The following HDGFL2 variants were observed in gnomAD, a reference collection of about 807,000 sequenced individuals.
HDGFL2 encodes the protein hepatoma-derived growth factor-related protein 2.
A neutral mutation model predicts 77.1 loss-of-function variants in HDGFL2; 36 were observed. The ratio of observed to expected loss-of-function variants is 0.47; its 90% CI spans 0.36 to 0.62. The LOEUF is 0.62. Among genes scored for constraint, HDGFL2 ranks in the 20% least tolerant of loss-of-function variants. The pLI is 0.00. For missense variants in HDGFL2, 976 were observed against 973.4 expected (o/e 1.00, Z -0.04); for synonymous variants, 463 against 413.1 (o/e 1.12, Z -1.46).
intron 15 of HDGFL2, 66 bp downstream of exon 15, chr19:4,501,383 C>T (rs888046801): frequency 1.0e-4 from 155 of 1,508,004 alleles, no homozygotes; most frequent in East Asian, 1.7e-4. Flanking sequence ...ACCCTGGGTC[C>T]GAGCCGCTCC....
At position 4,497,248 on chromosome 19, in the gene HDGFL2, A is replaced by T. The variant is rs555322808; in HGVS notation, c.1329-710A>T. 104 of 424,254 alleles carry T rather than the reference A, an allele frequency of 2.5e-4. 1 individual carries two copies. Among genetic ancestry groups the T allele is most frequent in the African/African-American group, 1.9e-3 (92 of 47,962 alleles). 26.3% of individuals were successfully genotyped at this position (424,254 alleles called of 1,614,324 possible). A position where few individuals can be genotyped will look rare whatever the true frequency, so the allele number is the denominator to read the frequency against. ...GGGCTTGCTCTGTGGCCCAGGCTGG[A>T]GTGCAGTGGCGCCATCTCAGCTCAC... is the stretch of plus-strand genomic sequence containing the variant. On this transcript the variant is annotated intron_variant, in intron 10 of 15. Transcript: ENST00000616600.
rs1439092560 is a variant in HDGFL2, at chr19:4,491,561, T to G, written c.490-5T>G. On this transcript the variant is annotated splice_polypyrimidine_tract_variant and splice_region_variant and intron_variant, in intron 4 of 15. Transcript: ENST00000616600. ...CACTGAGCATTCAGGCCGTTCCCCT[T>G]CCAGATGTCGGTCTCGAAACGAGCC... The G allele has an allele frequency of 1.2e-6, 2 of 1,613,120 alleles. No homozygotes were observed. The highest frequency in any genetic ancestry group is 1.3e-5 in the African/African-American group (1 of 74,832).
rs1008822053 is a variant in HDGFL2, at chr19:4,499,378, G to T, written c.1576-113G>T. 13 of 839,644 alleles carry T rather than the reference G, an allele frequency of 1.5e-5. No homozygotes were observed. The East Asian group carries it at 2.4e-4, about 15-fold the overall frequency. The allele number at this position is 839,644 out of a possible 1,614,324, so 52.0% of individuals were successfully genotyped here. On this transcript the variant is annotated intron_variant, in intron 13 of 15. Coordinates refer to ENST00000616600, the MANE Select transcript of HDGFL2 (RefSeq NM_001001520.3). ...AAAAAAGAAATGCCTGCTGCACAGA[G>T]CTGTGCTCCCGGGAGGGGCTGCGGG...
At chr19:4,486,961 CCT>C (rs1354501198) in intron 3 of HDGFL2, among the ~76,000 whole-genome samples, 8 of 151,432 alleles carry the variant, frequency 5.3e-5, no homozygotes, top group Admixed American at 6.6e-5. Flanking sequence ...TAAACACTCT[CCT>C]CTCTCTCTCT....
intron 6 of HDGFL2, among the ~76,000 whole-genome samples, chr19:4,493,090 CTG>C (rs143683103): frequency 2.4e-5 from 3 of 124,868 alleles, no homozygotes; most frequent in Non-Finnish European, 4.9e-5. Flanking sequence ...TGTGTGTTAT[CTG>C]TGTGGTGTGT....
intron 1 of HDGFL2, among the ~76,000 whole-genome samples, chr19:4,473,380 G>T (rs1264039119): frequency 6.6e-6 from 1 of 151,870 alleles, no homozygotes; most frequent in Non-Finnish European, 1.5e-5. Flanking sequence ...GTCTGGGGGT[G>T]TCCAGGGTGC....
At chr19:4,491,740 G>T in intron 5 of HDGFL2, 24 bp from the exon 6 acceptor site, 1 of 1,613,798 alleles carries the variant, frequency 6.2e-7, no homozygotes, top group Non-Finnish European at 8.5e-7. Context: ...GTGGGCCCCA[G>T]TTCAGCTCAC....
At chr19:4,499,449 C>G in intron 13 of HDGFL2, 42 bp from the exon 14 acceptor site, 1 of 1,582,524 alleles carries the variant, frequency 6.3e-7, no homozygotes, top group Non-Finnish European at 8.6e-7. Flanking sequence ...GGGCTAGGGC[C>G]GCTGCACTTG....
chr19:4,493,799 T>A lies in HDGFL2; in HGVS notation c.775T>A (p.Ser259Thr). 6.5e-7 allele frequency: 1 copy of A among 1,542,578 alleles called. No homozygotes were observed. Among genetic ancestry groups the A allele is most frequent in the South Asian group, 1.2e-5 (1 of 83,298 alleles). ...GGCGCGGTCGGCGTCCTCCTCCTCC[T>A]CTTCCTCCTCCTCCTCCGACTCCGA... ...AMARSASSSSSSSSSSDSDVS... is the reference protein window; with the variant it reads ...AMARSASSSSTSSSSSDSDVS... The change falls in exon 7 of 16, where the codon TCT becomes ACT. Residue 259 changes from serine (S) to threonine (T), a missense_variant. By Grantham distance (58) the Ser-to-Thr change is moderately conservative. Coordinates refer to ENST00000616600, the MANE Select transcript of HDGFL2 (RefSeq NM_001001520.3).
intron 3 of HDGFL2, among the ~76,000 whole-genome samples, chr19:4,484,185 G>A (rs2145173623): frequency 6.7e-6 from 1 of 148,816 alleles, no homozygotes; most frequent in East Asian, 2.0e-4. Context: ...CCAGGTTCAA[G>A]TGATTCTCGT....
chr19:4,486,149 A>G (rs1463076270), intron 3 of HDGFL2, among the ~76,000 whole-genome samples: 2 of 151,440 alleles, frequency 1.3e-5, no homozygotes, highest in African/African-American at 4.9e-5. Flanking sequence ...ACGGGCAATC[A>G]CTCGGTCAGG....
chr19:4,501,867 G>C (rs976466204), intron 15 of HDGFL2, 44 bp from the exon 16 acceptor site: 14 of 1,364,178 alleles, frequency 1.0e-5, no homozygotes, highest in Non-Finnish European at 1.3e-5. Context: ...AGGCAGGGCA[G>C]GGGCGGGAGG....
At chr19:4,479,964 A>C (rs1265887499) in intron 3 of HDGFL2, among the ~76,000 whole-genome samples, 1 of 151,894 alleles carries the variant, frequency 6.6e-6, no homozygotes, top group African/African-American at 2.4e-5. Context: ...TGGTGTCTGA[A>C]GCCTTGTAGA....
At chr19:4,481,207 T>C (rs1217316900) in intron 3 of HDGFL2, among the ~76,000 whole-genome samples, 1 of 106,950 alleles carries the variant, frequency 9.4e-6, no homozygotes, top group Non-Finnish European at 1.9e-5. Context: ...TTTTTTTTTT[T>C]TGTGATGGAG....
At position 4,472,338 on chromosome 19, in the gene HDGFL2, T is replaced by C; in HGVS notation, c.-13T>C. ...GCAGCCGCTTTCCGCGGCCTGGGCC[T>C]CTCGCCGTCAGCATGCCACACGCCT... On this transcript the variant is annotated 5_prime_UTR_variant, in exon 1 of 16. Coordinates refer to ENST00000616600, the MANE Select transcript of HDGFL2 (RefSeq NM_001001520.3). 1.3e-6 allele frequency: 2 copies of C among 1,512,024 alleles called. No homozygotes were observed. The highest frequency in any genetic ancestry group is 1.8e-6 in the Non-Finnish European group (2 of 1,131,504). 93.7% of individuals were successfully genotyped at this position (1,512,024 alleles called of 1,614,324 possible).
At chr19:4,501,422 C>T in intron 15 of HDGFL2, 105 bp downstream of exon 15, 2 of 1,355,286 alleles carry the variant, frequency 1.5e-6, no homozygotes, top group Non-Finnish European at 2.0e-6. Flanking sequence ...GGGATGGGTC[C>T]CAGGGATGTC....
chr19:4,479,181 C>T (rs926120879), intron 3 of HDGFL2, among the ~76,000 whole-genome samples: 4 of 151,472 alleles, frequency 2.6e-5, no homozygotes, highest in South Asian at 2.1e-4. Context: ...AAAGATTAGC[C>T]GGGCTCACGC....
intron 8 of HDGFL2, 48 bp downstream of exon 8, chr19:4,494,105 A>G: frequency 6.6e-7 from 1 of 1,524,654 alleles, no homozygotes; most frequent in Non-Finnish European, 8.8e-7. Context: ...CCATCGGCTG[A>G]GGGGCAGGGC....
chr19:4,498,933 G>C lies in HDGFL2; in HGVS notation c.1575+18G>C. 2.6e-6 allele frequency: 4 copies of C among 1,551,824 alleles called. No individual in the cohort carries two copies. The highest frequency in any genetic ancestry group is 1.7e-4 in the Middle Eastern group (1 of 5,960). ...TGAAGAAGGTATGGCGGGGGAATCA[G>C]AGGCGCAGGGTGCAGTCGGGGGAGC... On this transcript the variant is annotated intron_variant, in intron 13 of 15. Coordinates refer to ENST00000616600, the MANE Select transcript of HDGFL2 (RefSeq NM_001001520.3).
Sources: gnomAD v4.1 joint callset for allele counts (sites outside exome capture counted in the v4.1 genomes callset) on GRCh38, gnomAD v4.1.1 for gene constraint, MANE v1.5 for transcripts, NCBI Gene and HGNC (gene_info 2026-07-23, HGNC 2026-07-21) for gene names.